Variants in LPIN2 observed in about 807,000 individuals in gnomAD.
The protein encoded by LPIN2 is lipin 2.
In LPIN2, 55 loss-of-function variants were observed where a neutral mutation model predicts 111.4. That is an observed-to-expected ratio of 0.49 (90% CI 0.40 to 0.62). LPIN2 has a LOEUF of 0.62. LPIN2 is among the 20% of genes least tolerant of loss of function. The probability of loss-of-function intolerance (pLI) is 0.00; values close to 1 mark genes in which losing one functional copy is unlikely to be tolerated. For missense variants in LPIN2, 992 were observed against 1,112.1 expected, an observed-to-expected ratio of 0.89 and a Z score of 1.54; for synonymous variants, 425 against 414.0, an observed-to-expected ratio of 1.03 and a Z score of -0.32.
intron 1 of LPIN2, among the ~76,000 whole-genome samples, chr18:2,981,021 C>T (rs1032897117): frequency 1.3e-5 from 2 of 152,204 alleles, no homozygotes; most frequent in African/African-American, 4.8e-5. Context: ...AATATGAAAA[C>T]ATGGTCTTTG....
Position 2,925,163 on chromosome 18 carries a change from A to G in LPIN2, c.1938+61T>C. 1 of 1,599,424 alleles carries G rather than the reference A, an allele frequency of 6.3e-7. No homozygotes were observed. The highest frequency in any genetic ancestry group is 8.6e-7 in the Non-Finnish European group (1 of 1,167,310). On this transcript the variant is annotated intron_variant, in intron 14 of 19. Transcript: ENST00000677752. This position sits in a 1 kb window ranked among gnomAD's most constrained non-coding sequence, Gnocchi z 4.1. ...GACGTGTGGACAGAAGAGGATGTGC[A>G]TCAAATTAAACCATTACTAAAATAA... is the stretch of plus-strand genomic sequence containing the variant.
intron 1 of LPIN2, among the ~76,000 whole-genome samples, chr18:2,996,144 TC>T (rs890732258): frequency 2.0e-5 from 3 of 152,030 alleles, no homozygotes; most frequent in African/African-American, 7.2e-5. Flanking sequence ...ATTGAGACCA[TC>T]GTGGTCAACA....
chr18:2,944,333 C>CTTT lies in LPIN2; in HGVS notation c.591-3624_591-3622dup, dbSNP rs768515839. Among the ~76,000 whole-genome samples, 8 of 51,350 alleles carry CTTT rather than the reference C, an allele frequency of 1.6e-4. 2 individuals carry two copies. Among genetic ancestry groups the CTTT allele is most frequent in the Non-Finnish European group, 2.3e-4 (6 of 26,526 alleles). 33.7% of individuals were successfully genotyped at this position (51,350 alleles called of 152,430 possible). A position where few individuals can be genotyped will look rare whatever the true frequency, so the allele number is the denominator to read the frequency against. ...TGATATCCTAATGTATTTCCACAAA[C>CTTT]TTTTTTTTTTTTTTTTTTTTTTTTT... On this transcript the variant is annotated intron_variant, in intron 4 of 19. Coordinates refer to ENST00000677752, the MANE Select transcript of LPIN2 (RefSeq NM_001375808.2).
intron 4 of LPIN2, among the ~76,000 whole-genome samples, chr18:2,942,728 C>G (rs2077381930): frequency 6.6e-6 from 1 of 152,172 alleles, no homozygotes; most frequent in African/African-American, 2.4e-5. Flanking sequence ...CCTTTCAGTC[C>G]TAAGATTCCT....
chr18:2,952,344 T>C (rs1408254226), intron 3 of LPIN2, among the ~76,000 whole-genome samples: 1 of 152,130 alleles, frequency 6.6e-6, no homozygotes, highest in Non-Finnish European at 1.5e-5. Context: ...AAGAATTGCT[T>C]GGACCTGAGG....
intron 1 of LPIN2, among the ~76,000 whole-genome samples, chr18:2,977,705 A>C (rs2078043175): frequency 1.3e-5 from 2 of 152,258 alleles, no homozygotes; most frequent in Admixed American, 6.5e-5. Flanking sequence ...CTAGATTACA[A>C]TTAGCTGAAT....
chr18:2,939,711 G>C, intron 5 of LPIN2, 108 bp from the exon 6 acceptor site: 7 of 1,215,778 alleles, frequency 5.8e-6, no homozygotes, highest in South Asian at 5.1e-5. Flanking sequence ...ACTTTATCCT[G>C]CATATATAAA....
intron 18 of LPIN2, chr18:2,921,263 G>A: frequency 1.7e-6 from 1 of 573,182 alleles, no homozygotes; most frequent in Non-Finnish European, 3.1e-6. Context: ...GCTTAGAAGA[G>A]GAGCCGGAGC....
chr18:3,002,765 A>AGT (rs1382583872), intron 1 of LPIN2, among the ~76,000 whole-genome samples: 1 of 152,236 alleles, frequency 6.6e-6, no homozygotes, highest in African/African-American at 2.4e-5. Flanking sequence ...TCACATTAAA[A>AGT]ATATAAGCCC....
At chr18:2,921,461 T>C in intron 18 of LPIN2, 72 bp downstream of exon 18, 1 of 1,140,938 alleles carries the variant, frequency 8.8e-7, no homozygotes, top group South Asian at 1.2e-5. Flanking sequence ...AATTGGGACG[T>C]GGCTACACCC....
chr18:3,003,951 AC>A (rs2078472159), intron 1 of LPIN2, among the ~76,000 whole-genome samples: 1 of 152,154 alleles, frequency 6.6e-6, no homozygotes, highest in African/African-American at 2.4e-5. Context: ...AATAATTGAT[AC>A]CGTGTGGAAG....
At chr18:2,980,597 C>A (rs962271868) in intron 1 of LPIN2, among the ~76,000 whole-genome samples, 3 of 152,318 alleles carry the variant, frequency 2.0e-5, no homozygotes, top group Admixed American at 2.0e-4. Flanking sequence ...AGCTTTTTGG[C>A]ATCAACCAGA....
Position 2,919,646 on chromosome 18 carries a change from G to C in LPIN2, c.*647C>G, listed in dbSNP as rs2077023241. ...GGGCTCGTGGAGTTGTCACAGATGA[G>C]AGGAGGATGCTCTGTGGGGATCTTT... On this transcript the variant is annotated 3_prime_UTR_variant, in exon 20 of 20. Coordinates refer to ENST00000677752, the MANE Select transcript of LPIN2 (RefSeq NM_001375808.2). The C allele has an allele frequency of 6.3e-6, 1 of 157,570 alleles. No homozygotes were observed. Among genetic ancestry groups the C allele is most frequent in the African/African-American group, 2.4e-5 (1 of 41,486 alleles). 9.8% of individuals were successfully genotyped at this position (157,570 alleles called of 1,614,324 possible).
intron 2 of LPIN2, among the ~76,000 whole-genome samples, chr18:2,956,813 C>T (rs993221024): frequency 6.6e-6 from 1 of 152,182 alleles, no homozygotes; most frequent in African/African-American, 2.4e-5. Context: ...AATGTGACTA[C>T]TTATCATCTT....
intron 1 of LPIN2, among the ~76,000 whole-genome samples, chr18:3,008,932 G>GT (rs2078559830): frequency 7.1e-6 from 1 of 140,408 alleles, no homozygotes; most frequent in South Asian, 2.2e-4. Flanking sequence ...TGTCCAGGCT[G>GT]GTCTCAAACT....
intron 1 of LPIN2, among the ~76,000 whole-genome samples, chr18:2,992,568 G>A (rs912979813): frequency 2.6e-5 from 4 of 152,026 alleles, no homozygotes; most frequent in African/African-American, 9.7e-5. Flanking sequence ...TTATGCAATG[G>A]GGCCAGGCAC....
intron 17 of LPIN2, 135 bp downstream of exon 17, chr18:2,921,912 A>T (rs1319941024): frequency 1.6e-6 from 2 of 1,262,004 alleles, no homozygotes; most frequent in African/African-American, 3.0e-5. Context: ...GTAGGACACC[A>T]CCAGGGACCA....
chr18:2,949,290 CAAT>C (rs1381728561), intron 4 of LPIN2, among the ~76,000 whole-genome samples: 1 of 152,094 alleles, frequency 6.6e-6, no homozygotes, highest in Non-Finnish European at 1.5e-5. Context: ...CTTTGGGAAT[CAAT>C]GATATTTAAA....
chr18:2,967,485 G>A (rs1442576676), intron 1 of LPIN2: 4 of 152,282 alleles, frequency 2.6e-5, no homozygotes, highest in Non-Finnish European at 2.9e-5. Flanking sequence ...TCCCCGGTCA[G>A]GGAGGGCAGG....
Sources: gnomAD v4.1 joint callset for allele counts (sites outside exome capture counted in the v4.1 genomes callset) on GRCh38, gnomAD v4.1.1 for gene constraint, Gnocchi (gnomAD v3.1) non-coding constraint, MANE v1.5 for transcripts, NCBI Gene and HGNC (gene_info 2026-07-23, HGNC 2026-07-21) for gene names.